The following GSE1 variants were observed in gnomAD, a reference collection of about 807,000 sequenced individuals.
GSE1 encodes Gse1 coiled-coil protein, also known as genetic suppressor element 1.
GSE1 carries 32 observed loss-of-function variants against 112.6 expected under a neutral mutation model. The observed-to-expected ratio is 0.28, with a 90% CI of 0.21 to 0.38. The LOEUF (loss-of-function observed/expected upper bound fraction) is 0.38. GSE1 is among the 10% of genes least tolerant of loss of function. The pLI is 1.00. For missense variants in GSE1, 2,348 were observed against 1,699.2 expected (o/e 1.38, Z -6.71); for synonymous variants, 1,115 against 735.6 (o/e 1.52, Z -8.35).
chr16:85,549,039 G>A (rs547153979), intron 2 of GSE1, among the ~76,000 whole-genome samples: 3 of 152,134 alleles, frequency 2.0e-5, no homozygotes, highest in African/African-American at 4.8e-5. Context: ...CGCCCGCCTC[G>A]GCCTCCCAAT....
chr16:85,670,879 G>C (rs1387991616), intron 14 of GSE1, 116 bp from the exon 15 acceptor site: 14 of 676,618 alleles, frequency 2.1e-5, no homozygotes, highest in Non-Finnish European at 3.2e-5. Flanking sequence ...GGCCTTCGCT[G>C]GCTGCACTGG....
At chr16:85,672,280 C>T (rs1292225131) in intron 15 of GSE1, 125 bp from the exon 16 acceptor site, 24 of 714,134 alleles carry the variant, frequency 3.4e-5, no homozygotes, top group Non-Finnish European at 5.9e-5. Context: ...CAGGCGTGAG[C>T]CACCACGCCC....
At position 85,203,131 on chromosome 16, in the gene GSE1, G is replaced by A. The variant is rs1156661152; in HGVS notation, c.2283+31324G>A. Among the ~76,000 whole-genome samples, 4 of 152,004 alleles carry A rather than the reference G, an allele frequency of 2.6e-5. 1 individual carries two copies. Among genetic ancestry groups the A allele is most frequent in the Non-Finnish European group, 1.5e-5 (1 of 67,984 alleles). On this transcript the variant is annotated intron_variant, in intron 1 of 2. Coordinates refer to the GSE1 transcript ENST00000637419. Reference sequence around the variant, plus strand: ...TTGGCCCTGGGTCCTCTCCTGTGGGGGTGCCTGTGCTCTGAGCTCACACCT... The same window carrying A: ...TTGGCCCTGGGTCCTCTCCTGTGGGAGTGCCTGTGCTCTGAGCTCACACCT...
At chr16:85,376,270 T>C (rs1282917507) in intron 2 of GSE1, among the ~76,000 whole-genome samples, 1 of 152,098 alleles carries the variant, frequency 6.6e-6, no homozygotes, top group Non-Finnish European at 1.5e-5. Flanking sequence ...TGAGTTTCTC[T>C]CTCCGGGAAA....
chr16:85,472,282 C>G (rs2050318808), intron 2 of GSE1, among the ~76,000 whole-genome samples: 1 of 152,184 alleles, frequency 6.6e-6, no homozygotes, highest in African/African-American at 2.4e-5. Context: ...AGTCCAAAAT[C>G]AAGGTGTGCG....
At chr16:85,491,530 T>G (rs1157252640) in intron 2 of GSE1, among the ~76,000 whole-genome samples, 2 of 152,148 alleles carry the variant, frequency 1.3e-5, no homozygotes, top group Non-Finnish European at 2.9e-5. Flanking sequence ...AGCTGCCCTC[T>G]GGCAGGGGTG....
chr16:85,478,792 G>A (rs1164067578), intron 2 of GSE1, among the ~76,000 whole-genome samples: 2 of 145,362 alleles, frequency 1.4e-5, no homozygotes, highest in African/African-American at 2.5e-5. Context: ...CTCAGCCTCC[G>A]AAGTAGTTGG....
intron 1 of GSE1, among the ~76,000 whole-genome samples, chr16:85,586,755 C>T (rs1273703476): frequency 1.3e-5 from 2 of 152,310 alleles, no homozygotes; most frequent in South Asian, 2.1e-4. Context: ...GGGCCTCTTT[C>T]TCCTGGGCTG....
intron 2 of GSE1, among the ~76,000 whole-genome samples, chr16:85,492,177 C>T (rs980484769): frequency 2.6e-5 from 4 of 152,280 alleles, no homozygotes; most frequent in Non-Finnish European, 2.9e-5. Context: ...AGCTTTTTGG[C>T]GGGGACACAG....
intron 2 of GSE1, among the ~76,000 whole-genome samples, chr16:85,424,247 C>T (rs930268289): frequency 2.0e-5 from 3 of 152,270 alleles, no homozygotes; most frequent in Admixed American, 6.5e-5. Context: ...GGGCACAAAG[C>T]CCCCGCCCCT....
chr16:85,630,618 A>G (rs1205559068), intron 1 of GSE1, among the ~76,000 whole-genome samples: 1 of 152,176 alleles, frequency 6.6e-6, no homozygotes, highest in Non-Finnish European at 1.5e-5. Flanking sequence ...GCCCAGGATG[A>G]ATGTTTTTAA....
intron 1 of GSE1, among the ~76,000 whole-genome samples, chr16:85,200,242 A>G (rs2143544876): frequency 6.6e-6 from 1 of 152,120 alleles, no homozygotes; most frequent in African/African-American, 2.4e-5. Flanking sequence ...AGGGGTCTTG[A>G]GTTTCCTCGG....
At chr16:85,364,536 A>G (rs1268823344) in intron 2 of GSE1, among the ~76,000 whole-genome samples, 2 of 152,238 alleles carry the variant, frequency 1.3e-5, no homozygotes, top group Non-Finnish European at 2.9e-5. Flanking sequence ...CGTAACAGAC[A>G]GTCCCAGGGT....
At chr16:85,293,549 C>A (rs1402640200) in intron 1 of GSE1, among the ~76,000 whole-genome samples, 1 of 151,618 alleles carries the variant, frequency 6.6e-6, no homozygotes, top group South Asian at 2.1e-4. Context: ...GATTCCATTT[C>A]AAAAAAAAAT....
chr16:85,330,928 C>A (rs1472396616), intron 1 of GSE1, among the ~76,000 whole-genome samples: 2 of 152,042 alleles, frequency 1.3e-5, no homozygotes, highest in African/African-American at 2.4e-5. Flanking sequence ...GCTTAAGACA[C>A]GTGGGAGCTG....
intron 2 of GSE1, among the ~76,000 whole-genome samples, chr16:85,448,815 T>G (rs1338799512): frequency 6.6e-6 from 1 of 152,178 alleles, no homozygotes; most frequent in African/African-American, 2.4e-5. Flanking sequence ...TGCTAACAGG[T>G]GAGCCCTTCC....
At chr16:85,288,037 C>T (rs536474586) in intron 1 of GSE1, among the ~76,000 whole-genome samples, 5 of 152,098 alleles carry the variant, frequency 3.3e-5, no homozygotes, top group South Asian at 2.1e-4. Flanking sequence ...GTTAGGAGTT[C>T]GAGACCAGCC....
exon 1 of GSE1, chr16:85,169,651 C>T (rs2074327637): frequency 2.0e-6 from 2 of 983,578 alleles, no homozygotes; most frequent in African/African-American, 1.8e-5. Flanking sequence ...CGGCAAGGAG[C>T]TGAAGCTGCA....
At chr16:85,310,785 C>G (rs1022786902) in intron 1 of GSE1, among the ~76,000 whole-genome samples, 4 of 151,686 alleles carry the variant, frequency 2.6e-5, no homozygotes, top group Non-Finnish European at 5.9e-5. Flanking sequence ...CTGCGTCCCC[C>G]CCCCACCCAC....
Sources: allele counts gnomAD v4.1 joint callset (sites outside exome capture counted in the v4.1 genomes callset), GRCh38; gene constraint gnomAD v4.1.1; transcripts MANE v1.5; gene names NCBI Gene and HGNC (gene_info 2026-07-23, HGNC 2026-07-21).